Variants in MGA observed in about 807,000 individuals in gnomAD.
The protein encoded by MGA is MAX dimerization protein MGA.
A neutral mutation model predicts 261.1 loss-of-function variants in MGA; 40 were observed. The ratio of observed to expected loss-of-function variants is 0.15; its 90% CI spans 0.12 to 0.20. The LOEUF is 0.20. Ranked by LOEUF, MGA falls within the 10% of genes least tolerant of loss-of-function variation. The probability of loss-of-function intolerance (pLI) is 1.00; values close to 1 mark genes in which losing one functional copy is unlikely to be tolerated. For missense variants in MGA, 3,397 were observed against 3,630.5 expected, an observed-to-expected ratio of 0.94 and a Z score of 1.65; for synonymous variants, 1,302 against 1,290.6, an observed-to-expected ratio of 1.01 and a Z score of -0.19.
chr15:41,684,869 T>A (rs941112792), intron 2 of MGA, among the ~76,000 whole-genome samples: 3 of 152,180 alleles, frequency 2.0e-5, no homozygotes, highest in Non-Finnish European at 4.4e-5. Flanking sequence ...GGCTTGTGGC[T>A]TTTCTGTAGT....
chr15:41,696,112 G>A lies in MGA; in HGVS notation c.1102G>A (p.Ala368Thr). The A allele has an allele frequency of 6.2e-7, 1 of 1,613,214 alleles. No individual in the cohort carries two copies. Among genetic ancestry groups the A allele is most frequent in the East Asian group, 2.2e-5 (1 of 44,866 alleles). The stretch of plus-strand genomic sequence containing the variant: ...CAGTTTTGAAGATGACTCCCGTGTA[G>A]CCTCACCGTTAGACCAGAACGGAAG... Residue 368 changes from alanine (A) to threonine (T), a missense_variant, in exon 3 of 24, where the codon GCC becomes ACC. Ala to Thr is a moderately conservative substitution (Grantham distance 58). Transcript: ENST00000219905.
intron 15 of MGA, among the ~76,000 whole-genome samples, chr15:41,746,698 G>T (rs750810449): frequency 1.3e-5 from 2 of 151,826 alleles, no homozygotes; most frequent in Non-Finnish European, 2.9e-5. Context: ...TTATGACCAT[G>T]ACTTTCTTTT....
rs1406559688 is a variant in MGA at position 41,707,827 on chromosome 15, G to T, written c.2288G>T (p.Trp763Leu). The change falls in exon 6 of 24, where the codon TGG (tryptophan) becomes TTG (leucine). Residue 763 changes from tryptophan (W) to leucine (L), a missense_variant. Coordinates refer to ENST00000219905, the MANE Select transcript of MGA (RefSeq NM_001164273.2). Reference sequence around the variant, plus strand: ...GCTCCAGCTACTAGCTTTCCTTTTTGGAACCTTACAGGAACCAACCCTGCC... The same window carrying T: ...GCTCCAGCTACTAGCTTTCCTTTTTTGAACCTTACAGGAACCAACCCTGCC... The T allele has an allele frequency of 1.2e-6, 2 of 1,613,538 alleles. No homozygotes were observed. The highest frequency in any genetic ancestry group is 1.7e-6 in the Non-Finnish European group (2 of 1,179,778).
intron 7 of MGA, among the ~76,000 whole-genome samples, chr15:41,709,304 C>T (rs916757112): frequency 2.0e-5 from 3 of 152,054 alleles, no homozygotes; most frequent in Non-Finnish European, 4.4e-5. Flanking sequence ...GCCAAGATCA[C>T]ACCACTGCAC....
At chr15:41,717,739 A>G (rs954176722) in intron 9 of MGA, among the ~76,000 whole-genome samples, 13 of 152,238 alleles carry the variant, frequency 8.5e-5, no homozygotes, top group African/African-American at 3.1e-4. Flanking sequence ...GTGTCATCTT[A>G]TGAAACCAGC....
intron 11 of MGA, 116 bp from the exon 12 acceptor site, chr15:41,734,405 AT>A (rs1356989992): frequency 5.0e-6 from 4 of 802,646 alleles, no homozygotes; most frequent in Non-Finnish European, 8.1e-6. Context: ...AGCTGTTGAC[AT>A]TTCAGTCATT....
intron 2 of MGA, among the ~76,000 whole-genome samples, chr15:41,688,447 G>A (rs998254617): frequency 1.3e-5 from 2 of 152,096 alleles, no homozygotes; most frequent in African/African-American, 4.8e-5. Flanking sequence ...GTTTTTGCAT[G>A]GTTTATCTTT....
chr15:41,668,330 A>G (rs921456160), intron 1 of MGA, among the ~76,000 whole-genome samples: 9 of 152,146 alleles, frequency 5.9e-5, no homozygotes, highest in African/African-American at 1.9e-4. Flanking sequence ...TTATGGAACC[A>G]TGTCTTCTGA....
chr15:41,670,209 G>A (rs1215468613), intron 2 of MGA, among the ~76,000 whole-genome samples: 1 of 152,052 alleles, frequency 6.6e-6, no homozygotes, highest in Non-Finnish European at 1.5e-5. Flanking sequence ...TATTTAGAAT[G>A]TTCCTTGATA....
rs986965834 is a variant in MGA, at chr15:41,703,379, C to G, written c.2188+4220C>G. 1.6e-4 allele frequency among the ~76,000 whole-genome samples: 23 copies of G among 140,486 alleles called. 1 individual carries two copies. The highest frequency in any genetic ancestry group is 5.9e-4 in the African/African-American group (23 of 38,880). The allele number at this position is 140,486 out of a possible 152,430, so 92.2% of individuals were successfully genotyped here. On this transcript the variant is annotated intron_variant, in intron 5 of 23. Transcript: ENST00000219905. ...TTCATTGTGAAGTTACCCCCCCCCCCACTCCCCACCCTCCCTTTCTCTCCA... is the reference window on the plus strand; with the variant it reads ...TTCATTGTGAAGTTACCCCCCCCCCGACTCCCCACCCTCCCTTTCTCTCCA...
intron 2 of MGA, chr15:41,691,708 C>G (rs1207077033): frequency 2.3e-6 from 1 of 425,616 alleles, no homozygotes; most frequent in African/African-American, 2.0e-5. Flanking sequence ...ATTAGTTTTT[C>G]TTTCAACACT....
intron 3 of MGA, among the ~76,000 whole-genome samples, chr15:41,697,295 G>A (rs7174522): frequency 2.0e-5 from 3 of 151,984 alleles, no homozygotes; most frequent in African/African-American, 4.8e-5. Flanking sequence ...AAAAGTCTTC[G>A]GGTCTTACTG....
chr15:41,707,893 T>C (rs1233301224), intron 6 of MGA, 34 bp downstream of exon 6: 1 of 1,588,110 alleles, frequency 6.3e-7, no homozygotes, highest in Non-Finnish European at 8.5e-7. Flanking sequence ...TCAAACACTA[T>C]TTTTCTTGAA....
intron 22 of MGA, among the ~76,000 whole-genome samples, 154 bp from the exon 23 acceptor site, chr15:41,764,732 T>C (rs1402279150): frequency 1.3e-5 from 2 of 151,722 alleles, no homozygotes; most frequent in African/African-American, 4.8e-5. Flanking sequence ...GAGATGGAGA[T>C]GGGGTCTCAC....
intron 22 of MGA, among the ~76,000 whole-genome samples, chr15:41,764,252 ATTT>A (rs71108132): frequency 1.2e-4 from 13 of 109,698 alleles, no homozygotes; most frequent in Non-Finnish European, 7.8e-5. Context: ...TGGTGTGGGT[ATTT>A]TTTTTTTTTT....
At chr15:41,654,138 A>G (rs1035333374) in intron 1 of MGA, among the ~76,000 whole-genome samples, 4 of 152,170 alleles carry the variant, frequency 2.6e-5, no homozygotes, top group Admixed American at 1.3e-4. Context: ...AAAGTGACTT[A>G]TACTCCATCA....
At chr15:41,753,905 G>C (rs544972332) in intron 17 of MGA, among the ~76,000 whole-genome samples, 31 of 152,186 alleles carry the variant, frequency 2.0e-4, no homozygotes, top group African/African-American at 6.5e-4. Context: ...GTTTAATTAT[G>C]TCTGTTTATT....
chr15:41,718,530 T>TAG lies in MGA; in HGVS notation c.3430+5034_3430+5035insAG, dbSNP rs2060777164. The TAG allele has an allele frequency of 9.9e-6, 5 of 502,610 alleles. No homozygotes were observed. In the East Asian group the frequency reaches 1.5e-4, roughly 15 times the overall value. The allele number at this position is 502,610 out of a possible 1,614,324, so 31.1% of individuals were successfully genotyped here. ...CTCTGTAGTCTTGTAGTTCTCTTTT[T>TAG]CTGTGTCAGAGATCTCACCTTCCTG... On this transcript the variant is annotated intron_variant, in intron 9 of 23. Coordinates refer to ENST00000219905, the MANE Select transcript of MGA (RefSeq NM_001164273.2).
intron 2 of MGA, among the ~76,000 whole-genome samples, chr15:41,679,981 ATTAT>A (rs940243955): frequency 1.3e-5 from 2 of 151,970 alleles, no homozygotes; most frequent in Non-Finnish European, 2.9e-5. Flanking sequence ...ACCTTTTTGT[ATTAT>A]TTATTGACCG....
Sources: allele counts gnomAD v4.1 joint callset (sites outside exome capture counted in the v4.1 genomes callset), GRCh38; gene constraint gnomAD v4.1.1; transcripts MANE v1.5; gene names NCBI Gene and HGNC (gene_info 2026-07-23, HGNC 2026-07-21).